The following TEC variants were observed in gnomAD, a reference collection of about 807,000 sequenced individuals.
The protein encoded by TEC is tyrosine-protein kinase Tec.
Under a neutral mutation model 93.0 loss-of-function variants are expected in TEC, and 72 were observed. The observed-to-expected ratio is 0.77, with a 90% CI of 0.64 to 0.94. The LOEUF (loss-of-function observed/expected upper bound fraction) is 0.94. Among genes scored for constraint, TEC ranks in the 40% least tolerant of loss-of-function variants. The pLI, the probability that TEC is intolerant of heterozygous loss-of-function variation, is 0.00. For missense variants in TEC, 630 were observed against 757.9 expected (o/e 0.83, Z 1.98); for synonymous variants, 249 against 247.7 (o/e 1.01, Z -0.05).
At chr4:48,200,433 C>T (rs1466890036) in intron 2 of TEC, among the ~76,000 whole-genome samples, 2 of 152,062 alleles carry the variant, frequency 1.3e-5, no homozygotes, top group Admixed American at 6.6e-5. Context: ...GATACATGAT[C>T]GTATTTGTGT....
chr4:48,231,711 C>T (rs1178249215), intron 1 of TEC, among the ~76,000 whole-genome samples: 17 of 151,836 alleles, frequency 1.1e-4, no homozygotes, highest in Non-Finnish European at 2.1e-4. Context: ...GAGCCAAGAT[C>T]GCACCACTGC....
At chr4:48,248,261 G>C (rs970626051) in intron 1 of TEC, among the ~76,000 whole-genome samples, 2 of 152,194 alleles carry the variant, frequency 1.3e-5, no homozygotes, top group African/African-American at 4.8e-5. Flanking sequence ...CTGCAGGTCA[G>C]TTGGGCTTTC....
At chr4:48,227,729 C>A (rs1723518627) in intron 2 of TEC, among the ~76,000 whole-genome samples, 2 of 151,612 alleles carry the variant, frequency 1.3e-5, no homozygotes, top group South Asian at 2.1e-4. Context: ...CCATGGGCAA[C>A]CCAGCCCCTG....
At chr4:48,189,582 T>G (rs913489114) in intron 2 of TEC, among the ~76,000 whole-genome samples, 1 of 152,174 alleles carries the variant, frequency 6.6e-6, no homozygotes, top group East Asian at 1.9e-4. Context: ...CTGGACACAT[T>G]TTCAGCCTAG....
intron 2 of TEC, among the ~76,000 whole-genome samples, chr4:48,186,460 TG>T (rs1424069710): frequency 6.7e-5 from 10 of 148,328 alleles, no homozygotes; most frequent in African/African-American, 2.5e-4. Flanking sequence ...GGAGCGCCTC[TG>T]CCCCGCCGCC....
At chr4:48,257,855 A>G (rs1724387174) in intron 1 of TEC, among the ~76,000 whole-genome samples, 3 of 152,190 alleles carry the variant, frequency 2.0e-5, no homozygotes, top group Admixed American at 1.3e-4. Context: ...AATCTTCTAT[A>G]CCATTGATAA....
intron 9 of TEC, among the ~76,000 whole-genome samples, chr4:48,155,359 G>A (rs1316771336): frequency 6.6e-6 from 1 of 152,196 alleles, no homozygotes; most frequent in African/African-American, 2.4e-5. Flanking sequence ...TGGAATGCTG[G>A]TAGGGACAAA....
rs890970805 is a variant in TEC at position 48,167,948 on chromosome 4, C to T, written c.501G>A (p.Arg167=). 1.2e-5 allele frequency: 20 copies of T among 1,613,420 alleles called. No homozygotes were observed. The highest frequency in any genetic ancestry group is 1.6e-5 in the Non-Finnish European group (19 of 1,179,758). The change falls in exon 7 of 18, where the codon AGG becomes AGA. Residue 167 remains arginine (R), a synonymous_variant. Coordinates refer to ENST00000381501, the MANE Select transcript of TEC (RefSeq NM_003215.3). The stretch of plus-strand genomic sequence containing the variant: ...CTTCTAGTGGAATTGGTGGGGGAGG[C>T]CTTCGCTAGACAAGGAAGATAACAT... ...LPPAPETKKR[R]PPPPIPLEEE... is the part of the protein sequence containing the mutation.
chr4:48,266,674 C>T (rs1724643778), intron 1 of TEC, among the ~76,000 whole-genome samples: 1 of 152,122 alleles, frequency 6.6e-6, no homozygotes, highest in African/African-American at 2.4e-5. Flanking sequence ...CCCATCTCTA[C>T]TAGAAATACA....
At chr4:48,208,665 G>A (rs1722794665) in intron 2 of TEC, among the ~76,000 whole-genome samples, 2 of 152,126 alleles carry the variant, frequency 1.3e-5, no homozygotes, top group Admixed American at 6.5e-5. Context: ...AGAAACAGCA[G>A]GCAAGGCCCC....
At chr4:48,253,886 C>A (rs191133496) in intron 1 of TEC, among the ~76,000 whole-genome samples, 33 of 152,094 alleles carry the variant, frequency 2.2e-4, no homozygotes, top group Non-Finnish European at 4.4e-4. Context: ...TAATCATGTC[C>A]AATTTAATCT....
At chr4:48,179,356 A>G (rs1273315411) in intron 2 of TEC, among the ~76,000 whole-genome samples, 1 of 34,502 alleles carries the variant, frequency 2.9e-5, no homozygotes, top group African/African-American at 1.2e-4. Flanking sequence ...ATATATATAT[A>G]TATATATATA....
In TEC at chr4:48,228,366, A is replaced by T; in HGVS notation, c.138+111T>A. 3.4e-6 allele frequency: 4 copies of T among 1,188,198 alleles called. No individual in the cohort carries two copies. In the South Asian group the frequency reaches 8.0e-5, roughly 24 times the overall value. The allele number at this position is 1,188,198 out of a possible 1,614,324, so 73.6% of individuals were successfully genotyped here. On this transcript the variant is annotated intron_variant, in intron 2 of 17. Coordinates refer to ENST00000381501, the MANE Select transcript of TEC (RefSeq NM_003215.3). ...ATCTTTCAAGTCCAAATGATAATAAATCATTACTTCATTAACCCAAAGCAT... is the reference window on the plus strand; with the variant it reads ...ATCTTTCAAGTCCAAATGATAATAATTCATTACTTCATTAACCCAAAGCAT...
chr4:48,258,158 T>TTC (rs1304140579), intron 1 of TEC, among the ~76,000 whole-genome samples: 4 of 151,562 alleles, frequency 2.6e-5, no homozygotes, highest in Non-Finnish European at 5.9e-5. Flanking sequence ...TTTTTTTTTT[T>TTC]TGAGAAGGAA....
At chr4:48,252,983 A>G (rs1451383620) in intron 1 of TEC, among the ~76,000 whole-genome samples, 2 of 152,216 alleles carry the variant, frequency 1.3e-5, no homozygotes, top group African/African-American at 4.8e-5. Context: ...GGTTCCTTGT[A>G]TGCATTTCTC....
At chr4:48,151,121 T>G (rs546417532) in intron 9 of TEC, among the ~76,000 whole-genome samples, 179 bp from the exon 10 acceptor site, 7 of 152,186 alleles carry the variant, frequency 4.6e-5, no homozygotes, top group African/African-American at 1.7e-4. Context: ...CACATGACTT[T>G]GTACTTCAAA....
chr4:48,141,375 T>C lies in TEC; in HGVS notation c.1515A>G (p.Val505=), dbSNP rs993790006. The change falls in exon 15 of 18, where the codon GTA becomes GTG. Residue 505 remains valine (V), a synonymous_variant. Transcript: ENST00000381501. ...CATACCTGGCCATTCCAAAATCAGATACTTTTACAACTCCCGCCTCACTTA... is the reference window on the plus strand; with the variant it reads ...CATACCTGGCCATTCCAAAATCAGACACTTTTACAACTCCCGCCTCACTTA... ...CLVSEAGVVK[V]SDFGMARYVL... The C allele has an allele frequency of 3.7e-6, 6 of 1,613,900 alleles. No individual in the cohort carries two copies. The highest frequency in any genetic ancestry group is 2.2e-5 in the South Asian group (2 of 91,074).
intron 8 of TEC, 38 bp downstream of exon 8, chr4:48,163,664 T>C: frequency 6.3e-6 from 8 of 1,279,212 alleles, no homozygotes; most frequent in Non-Finnish European, 8.6e-6. Flanking sequence ...ATGAAAAGTT[T>C]CTGATTTTCC....
chr4:48,166,983 C>T (rs754532464), intron 7 of TEC, among the ~76,000 whole-genome samples: 6 of 151,758 alleles, frequency 4.0e-5, no homozygotes, highest in Non-Finnish European at 8.8e-5. Context: ...GAAGAGTGTG[C>T]TCTGGCAGGA....
Sources: gnomAD v4.1 joint callset for allele counts (sites outside exome capture counted in the v4.1 genomes callset) on GRCh38, gnomAD v4.1.1 for gene constraint, MANE v1.5 for transcripts, NCBI Gene and HGNC (gene_info 2026-07-23, HGNC 2026-07-21) for gene names.